TM7SF3: variants seen among roughly 807,000 people sequenced by gnomAD.
TM7SF3 encodes the protein seven span transmembrane protein.
TM7SF3 carries 60 observed loss-of-function variants against 65.5 expected under a neutral mutation model. The ratio of observed to expected loss-of-function variants is 0.92; its 90% CI spans 0.74 to 1.14. TM7SF3 has a LOEUF of 1.14. Among genes scored for constraint, TM7SF3 ranks in the 50% most tolerant of loss-of-function variants. The pLI is 0.00. For missense variants in TM7SF3, 623 were observed against 684.8 expected (o/e 0.91, Z 1.01); for synonymous variants, 264 against 259.6 (o/e 1.02, Z -0.16).
chr12:27,009,485 A>G (rs1316430500), intron 1 of TM7SF3, among the ~76,000 whole-genome samples: 2 of 152,200 alleles, frequency 1.3e-5, no homozygotes, highest in African/African-American at 4.8e-5. Context: ...AGGTCTTTAC[A>G]TATCCCATGA....
chr12:27,004,552 C>A (rs1940958580), intron 1 of TM7SF3, among the ~76,000 whole-genome samples: 1 of 151,468 alleles, frequency 6.6e-6, no homozygotes, highest in Non-Finnish European at 1.5e-5. Flanking sequence ...TACCATGTCC[C>A]AAAAAGGTCA....
chr12:26,996,535 A>G (rs563449801), intron 4 of TM7SF3, among the ~76,000 whole-genome samples: 2 of 152,358 alleles, frequency 1.3e-5, no homozygotes, highest in Admixed American at 6.5e-5. Context: ...TTCAAATAAA[A>G]AGAGTTCACA....
Position 27,014,186 on chromosome 12 carries a change from T to G in TM7SF3, c.-18A>C. On this transcript the variant is annotated 5_prime_UTR_variant, in exon 1 of 12. Coordinates refer to ENST00000343028, the MANE Select transcript of TM7SF3 (RefSeq NM_016551.3). Reference sequence around the variant, plus strand: ...AACCCCATTGCTGCCTGGGCCGGGCTGGGCCCACGCCAGGGCTGGGGAGAG... The same window carrying G: ...AACCCCATTGCTGCCTGGGCCGGGCGGGGCCCACGCCAGGGCTGGGGAGAG... The G allele has an allele frequency of 6.4e-7, 1 of 1,551,698 alleles. No individual in the cohort carries two copies.
chr12:26,985,927 C>T (rs1344494647), intron 6 of TM7SF3, among the ~76,000 whole-genome samples: 2 of 142,012 alleles, frequency 1.4e-5, no homozygotes, highest in African/African-American at 5.2e-5. Context: ...CATTCTCCTG[C>T]CTCTGCCTCA....
At position 26,984,450 on chromosome 12, in the gene TM7SF3, A is replaced by AAAC. The variant is rs1555215857; in HGVS notation, c.869-1592_869-1591insGTT. On this transcript the variant is annotated intron_variant, in intron 6 of 11. Transcript: ENST00000343028. ...ATCTCAAAAACAAAAAACGAAAAAC[A>AAAC]AAAAAAAAAAACCCAGAAAGATTAA... Among the ~76,000 whole-genome samples the AAAC allele has an allele frequency of 1.0e-3, 55 of 54,692 alleles. 3 individuals are homozygous for AAAC. Among genetic ancestry groups the AAAC allele is most frequent in the Non-Finnish European group, 3.4e-4 (9 of 26,776 alleles). 35.9% of individuals were successfully genotyped at this position (54,692 alleles called of 152,430 possible).
chr12:26,974,255 T>G (rs774791811), intron 11 of TM7SF3, 28 bp from the exon 12 acceptor site: 1 of 1,600,674 alleles, frequency 6.2e-7, no homozygotes, highest in Non-Finnish European at 8.5e-7. Context: ...AAGTACAGTT[T>G]GAACTCTAGT....
intron 6 of TM7SF3, among the ~76,000 whole-genome samples, chr12:26,986,494 C>T (rs1474675311): frequency 6.6e-6 from 1 of 152,162 alleles, no homozygotes; most frequent in African/African-American, 2.4e-5. Flanking sequence ...CTCTTCCCCA[C>T]TGCAAAATTC....
chr12:26,989,110 T>A (rs1238516238), intron 6 of TM7SF3, among the ~76,000 whole-genome samples: 2 of 152,114 alleles, frequency 1.3e-5, no homozygotes, highest in Non-Finnish European at 2.9e-5. Context: ...TGGTCAACAC[T>A]AGGCTAATAG....
At chr12:26,987,123 G>C (rs1018344297) in intron 6 of TM7SF3, among the ~76,000 whole-genome samples, 3 of 152,018 alleles carry the variant, frequency 2.0e-5, no homozygotes, top group Admixed American at 2.0e-4. Context: ...CCCCTTTATA[G>C]ATAACACCAT....
At position 26,975,554 on chromosome 12, in the gene TM7SF3, C is replaced by A; in HGVS notation, c.1392G>T (p.Lys464Asn). Reference protein sequence around the residue: ...SLSYITLNVLKRALNKDFHRA... With the variant: ...SLSYITLNVLNRALNKDFHRA... ...TGTGGAAATCCTTGTTGAGCGCTCT[C>A]TTGAGTACGTTCAAAGTGATGTAGG... The change falls in exon 11 of 12, where the codon AAG becomes AAT. Residue 464 changes from lysine (K) to asparagine (N), a missense_variant. By Grantham distance (94) the Lys-to-Asn change is moderately conservative (BLOSUM62 0). Coordinates refer to ENST00000343028, the MANE Select transcript of TM7SF3 (RefSeq NM_016551.3). 6.2e-7 allele frequency: 1 copy of A among 1,614,160 alleles called. No homozygotes were observed. The highest frequency in any genetic ancestry group is 1.3e-5 in the African/African-American group (1 of 75,048).
chr12:26,979,620 T>C, intron 9 of TM7SF3, 164 bp downstream of exon 9: 1 of 694,302 alleles, frequency 1.4e-6, no homozygotes, highest in East Asian at 2.7e-5. Flanking sequence ...GGAGGGACTT[T>C]TACTAGTCCT....
Position 26,975,630 on chromosome 12 carries a change from C to T in TM7SF3, c.1316G>A (p.Gly439Asp). The T allele has an allele frequency of 1.9e-6, 3 of 1,613,284 alleles. No homozygotes were observed. The highest frequency in any genetic ancestry group is 1.7e-6 in the Non-Finnish European group (2 of 1,179,892). The change falls in exon 11 of 12, where the codon GGC (glycine) becomes GAC (aspartate). Residue 439 changes from glycine to aspartate, a missense_variant. Coordinates refer to ENST00000343028, the MANE Select transcript of TM7SF3 (RefSeq NM_016551.3). ...ILNILTCGVIGSYSVVLAIDS... is the reference protein window; with the variant it reads ...ILNILTCGVIDSYSVVLAIDS... ...AATGGCTAAAACCACCGAATAGGAG[C>T]CAATGACTCCACAAGTCAGTATGTT...
Position 26,972,659 on chromosome 12 carries a change from A to T in TM7SF3, c.*1306T>A, listed in dbSNP as rs1278889951. On this transcript the variant is annotated 3_prime_UTR_variant, in exon 12 of 12. Coordinates refer to ENST00000343028, the MANE Select transcript of TM7SF3 (RefSeq NM_016551.3). The stretch of plus-strand genomic sequence containing the variant: ...TATAGTAGAGACCACTATGTTGGCC[A>T]GGCTGGTCTCGAACTCCTGACCCCA... The T allele has an allele frequency of 1.3e-5, 2 of 152,154 alleles. No homozygotes were observed. Among genetic ancestry groups the T allele is most frequent in the Admixed American group, 1.3e-4 (2 of 15,274 alleles). The allele number at this position is 152,154 out of a possible 1,614,324, so 9.4% of individuals were successfully genotyped here.
intron 1 of TM7SF3, among the ~76,000 whole-genome samples, chr12:27,007,090 G>A (rs2136452160): frequency 6.6e-6 from 1 of 152,288 alleles, no homozygotes; most frequent in Admixed American, 6.5e-5. Flanking sequence ...AAAACAAATA[G>A]ACCATGTGAG....
At chr12:26,983,579 G>A (rs1592278682) in intron 6 of TM7SF3, 1 of 455,354 alleles carries the variant, frequency 2.2e-6, no homozygotes, top group African/African-American at 2.0e-5. Flanking sequence ...GAGAGGCAGA[G>A]AAGCAGGTAC....
At chr12:26,984,486 A>G (rs1939958543) in intron 6 of TM7SF3, among the ~76,000 whole-genome samples, 1 of 152,064 alleles carries the variant, frequency 6.6e-6, no homozygotes, top group African/African-American at 2.4e-5. Context: ...ACGAAAGATA[A>G]AAACACCACA....
chr12:26,999,251 C>T (rs977495134), intron 3 of TM7SF3, among the ~76,000 whole-genome samples: 6 of 152,082 alleles, frequency 3.9e-5, no homozygotes, highest in African/African-American at 1.4e-4. Context: ...AAAAAATTAG[C>T]TGGGCCTGGT....
At chr12:26,999,438 C>A in intron 3 of TM7SF3, 88 bp downstream of exon 3, 10 of 1,361,242 alleles carry the variant, frequency 7.3e-6, no homozygotes, top group Non-Finnish European at 1.0e-5. Flanking sequence ...TTGCAACAAA[C>A]AATCTCAATA....
rs1281989634 is a variant in TM7SF3 at position 26,980,736 on chromosome 12, T to G, written c.956-90A>C. On this transcript the variant is annotated intron_variant, in intron 7 of 11. Transcript: ENST00000343028. ...TTTACAGTGCAATTTAAATATTTAA[T>G]CTACAAATACATGCTTAAGCTCCTG... The G allele has an allele frequency of 1.4e-5, 9 of 644,930 alleles. No individual in the cohort carries two copies. In the East Asian group the frequency reaches 2.6e-4, roughly 18 times the overall value. 40.0% of individuals were successfully genotyped at this position (644,930 alleles called of 1,614,324 possible). A position where few individuals can be genotyped will look rare whatever the true frequency, so the allele number is the denominator to read the frequency against.
Sources: allele counts gnomAD v4.1 joint callset (sites outside exome capture counted in the v4.1 genomes callset), GRCh38; gene constraint gnomAD v4.1.1; transcripts MANE v1.5; gene names NCBI Gene and HGNC (gene_info 2026-07-23, HGNC 2026-07-21).